DNAH9: variants seen among roughly 807,000 people sequenced by gnomAD.
DNAH9 encodes the protein DNAH9 variant protein.
Under a neutral mutation model 471.6 loss-of-function variants are expected in DNAH9, and 345 were observed. The ratio of observed to expected loss-of-function variants is 0.73; its 90% CI spans 0.67 to 0.80. DNAH9 has a LOEUF of 0.80. Among genes scored for constraint, DNAH9 ranks in the 30% least tolerant of loss-of-function variants. The pLI is 0.00. For synonymous variants in DNAH9, 2,093 were observed against 2,123.6 expected (o/e 0.99, Z 0.40); for missense variants, 5,407 against 5,609.2 (o/e 0.96, Z 1.15).
intron 61 of DNAH9, among the ~76,000 whole-genome samples, chr17:11,918,689 A>G (rs1316701672): frequency 6.6e-6 from 1 of 152,136 alleles, no homozygotes; most frequent in Admixed American, 6.5e-5. Context: ...ACAAAGGTTA[A>G]AGATACAAAA....
chr17:11,716,422 AG>A (rs1307515104), intron 26 of DNAH9, among the ~76,000 whole-genome samples: 1 of 151,842 alleles, frequency 6.6e-6, no homozygotes, highest in African/African-American at 2.4e-5. Flanking sequence ...CCTGAGGGAA[AG>A]CCCCACTGAC....
intron 43 of DNAH9, among the ~76,000 whole-genome samples, chr17:11,799,565 C>T (rs1229066403): frequency 2.6e-5 from 4 of 151,862 alleles, no homozygotes; most frequent in Non-Finnish European, 4.4e-5. Flanking sequence ...AAATCTCACT[C>T]GGGCTAGACC....
chr17:11,797,631 C>G lies in DNAH9; in HGVS notation c.8258C>G (p.Pro2753Arg). 10 of 1,613,936 alleles carry G rather than the reference C, an allele frequency of 6.2e-6. No homozygotes were observed. Among genetic ancestry groups the G allele is most frequent in the Non-Finnish European group, 8.5e-6 (10 of 1,179,992 alleles). ...GACCCTGTGGAGCAGACCCAAAGCC[C>G]GAACCTGTATTGTCACTTTGCAAAT... The part of the protein sequence containing the change: ...IEDPVEQTQS[P>R]NLYCHFANGI... Residue 2753 changes from proline (P) to arginine (R), a missense_variant, in exon 43 of 69, where the codon CCG becomes CGG. Around this residue, in one of 3 missense-constraint regions of DNAH9, gnomAD observed 4,636 missense variants for 4,900.3 expected, o/e 0.95. Coordinates refer to ENST00000262442, the MANE Select transcript of DNAH9 (RefSeq NM_001372.4).
intron 10 of DNAH9, among the ~76,000 whole-genome samples, chr17:11,642,523 GC>G (rs2073295701): frequency 6.6e-6 from 1 of 152,162 alleles, no homozygotes; most frequent in South Asian, 2.1e-4. Flanking sequence ...TTGCACTCCA[GC>G]CTGGGCAACA....
intron 63 of DNAH9, 86 bp from the exon 64 acceptor site, chr17:11,931,928 C>A: frequency 1.4e-6 from 2 of 1,472,388 alleles, no homozygotes; most frequent in Non-Finnish European, 1.9e-6. Flanking sequence ...TGTTTTCCAA[C>A]ACGAACCCTG....
At chr17:11,893,604 C>T (rs1973129418) in intron 58 of DNAH9, among the ~76,000 whole-genome samples, 1 of 152,076 alleles carries the variant, frequency 6.6e-6, no homozygotes, top group African/African-American at 2.4e-5. Flanking sequence ...TCTCAGCAAA[C>T]TAACACAGGA....
Position 11,793,499 on chromosome 17 carries a change from G to T in DNAH9, c.8062-4G>T, listed in dbSNP as rs77068420. 6.2e-7 allele frequency: 1 copy of T among 1,605,574 alleles called. No homozygotes were observed. Among genetic ancestry groups the T allele is most frequent in the Non-Finnish European group, 8.5e-7 (1 of 1,177,964 alleles). On this transcript the variant is annotated splice_region_variant and splice_polypyrimidine_tract_variant and intron_variant, in intron 41 of 68. Transcript: ENST00000262442. ...TTATTTTTTTGTGTCTGTTCCCCTT[G>T]AAGGGCATTCTCTTCTCCTCAGTGG...
chr17:11,936,402 G>A (rs1389975464), intron 65 of DNAH9, among the ~76,000 whole-genome samples: 2 of 152,196 alleles, frequency 1.3e-5, no homozygotes, highest in African/African-American at 4.8e-5. Flanking sequence ...AGTCAAGGCT[G>A]GAGGATCACT....
At chr17:11,824,011 C>T (rs776725787) in intron 48 of DNAH9, among the ~76,000 whole-genome samples, 1 of 152,076 alleles carries the variant, frequency 6.6e-6, no homozygotes. Flanking sequence ...TTTACTTCTC[C>T]AAATGGAACA....
At chr17:11,790,405 T>C (rs1439537439) in intron 41 of DNAH9, among the ~76,000 whole-genome samples, 1 of 152,016 alleles carries the variant, frequency 6.6e-6, no homozygotes, top group East Asian at 1.9e-4. Context: ...AGACTGATCT[T>C]TTTCTTATTA....
At chr17:11,618,055 C>A (rs2072781671) in intron 5 of DNAH9, among the ~76,000 whole-genome samples, 1 of 152,220 alleles carries the variant, frequency 6.6e-6, no homozygotes, top group South Asian at 2.1e-4. Context: ...ACTTCCTGTT[C>A]TGTGCCTCAC....
chr17:11,784,736 T>A (rs1380553644), intron 41 of DNAH9, among the ~76,000 whole-genome samples, 197 bp downstream of exon 41: 1 of 152,134 alleles, frequency 6.6e-6, no homozygotes, highest in East Asian at 1.9e-4. Flanking sequence ...AGAGTTTCCT[T>A]TGCCAATTAA....
intron 48 of DNAH9, among the ~76,000 whole-genome samples, chr17:11,823,878 C>T (rs1218052004): frequency 4.7e-5 from 7 of 150,092 alleles, no homozygotes; most frequent in South Asian, 2.1e-4. Flanking sequence ...TGCAGTGAGC[C>T]GAGATTGCAC....
rs368937975 is a variant in DNAH9 at position 11,694,195 on chromosome 17, T to C, written c.4746-126T>C. On this transcript the variant is annotated intron_variant, in intron 21 of 68. Coordinates refer to ENST00000262442, the MANE Select transcript of DNAH9 (RefSeq NM_001372.4). ...ACATCCATGTATATCTTTGCAAATA[T>C]CTCTAAGTGTTTCTTGTGCTAATGC... 1.7e-4 allele frequency: 216 copies of C among 1,272,344 alleles called. 1 individual carries two copies. The South Asian group carries it at 2.0e-3, about 11-fold the overall frequency. The allele number at this position is 1,272,344 out of a possible 1,614,324, so 78.8% of individuals were successfully genotyped here.
intron 17 of DNAH9, among the ~76,000 whole-genome samples, chr17:11,671,648 G>A (rs2073974269): frequency 6.6e-6 from 1 of 152,174 alleles, no homozygotes; most frequent in East Asian, 1.9e-4. Flanking sequence ...GTTTGCATAT[G>A]GAAAGTGTGC....
At chr17:11,910,799 G>A (rs972449254) in intron 61 of DNAH9, among the ~76,000 whole-genome samples, 2 of 152,160 alleles carry the variant, frequency 1.3e-5, no homozygotes, top group African/African-American at 2.4e-5. Context: ...CCAAATGATG[G>A]TAAGTGTCCT....
At chr17:11,717,237 C>T (rs2074979441) in intron 26 of DNAH9, among the ~76,000 whole-genome samples, 1 of 152,166 alleles carries the variant, frequency 6.6e-6, no homozygotes, top group African/African-American at 2.4e-5. Flanking sequence ...TAAAGACTTT[C>T]AAAACCATCT....
intron 49 of DNAH9, among the ~76,000 whole-genome samples, chr17:11,838,312 T>C (rs1415779847): frequency 3.3e-5 from 5 of 152,164 alleles, no homozygotes. Context: ...AGAACTGGCA[T>C]GAAATGGGCA....
intron 17 of DNAH9, among the ~76,000 whole-genome samples, chr17:11,673,115 A>G (rs1285573310): frequency 6.6e-6 from 1 of 152,152 alleles, no homozygotes; most frequent in Non-Finnish European, 1.5e-5. Context: ...CCAGTCCTAC[A>G]TTTCATTTGT....
Sources: gnomAD v4.1 joint callset for allele counts (sites outside exome capture counted in the v4.1 genomes callset) on GRCh38, gnomAD v4.1.1 for gene constraint, gnomAD v4.1.1 regional missense constraint, MANE v1.5 for transcripts, NCBI Gene and HGNC (gene_info 2026-07-23, HGNC 2026-07-21) for gene names.